TEX50: variants seen among roughly 807,000 people sequenced by gnomAD.
The protein encoded by TEX50 is testis expressed 50, also known as testis-expressed protein 50.
Under a neutral mutation model 9.8 loss-of-function variants are expected in TEX50, and 3 were observed. That is an observed-to-expected ratio of 0.31 (90% CI 0.14 to 0.79). The LOEUF is 0.79. Among genes scored for constraint, TEX50 ranks in the 30% least tolerant of loss-of-function variants. TEX50 has a pLI of 0.63. For missense variants in TEX50, 164 were observed against 199.3 expected (o/e 0.82, Z 1.07); for synonymous variants, 61 against 72.1 (o/e 0.85, Z 0.78).
chr1:173,636,940 G>T lies in TEX50; in HGVS notation c.438G>T (p.Lys146Asn). Residue 146 changes from lysine to asparagine, a missense_variant, in exon 2 of 2, where the codon AAG (lysine) becomes AAT (asparagine). By Grantham distance (94) the Lys-to-Asn change is moderately conservative. Around this residue, in one of 3 missense-constraint regions of TEX50, gnomAD observed 135 missense variants for 154.2 expected, o/e 0.88. Coordinates refer to ENST00000417563, the MANE Select transcript of TEX50 (RefSeq NM_001195190.3). The part of the protein sequence containing the change: ...RVATTASVIY[K>N]IWEHRSHHPS... Reference sequence around the variant, plus strand: ...CAACCACAGCATCAGTGATATACAAGATCTGGGAGCACAGGTCTCACCATC... The same window carrying T: ...CAACCACAGCATCAGTGATATACAATATCTGGGAGCACAGGTCTCACCATC... 6.5e-7 allele frequency: 1 copy of T among 1,535,690 alleles called. No individual in the cohort carries two copies. The highest frequency in any genetic ancestry group is 8.7e-7 in the Non-Finnish European group (1 of 1,146,694).
Position 173,636,986 on chromosome 1 carries a change from C to T in TEX50, c.484C>T (p.His162Tyr), listed in dbSNP as rs910037824. The T allele has an allele frequency of 1.9e-5, 29 of 1,535,264 alleles. No individual in the cohort carries two copies. The African/African-American group carries it at 4.0e-4, about 21-fold the overall frequency. The change falls in exon 2 of 2, where the codon CAC becomes TAC. Residue 162 changes from histidine (H) to tyrosine (Y), a missense_variant. Physicochemically the swap from His to Tyr is moderately conservative, Grantham distance 83 (BLOSUM62 2). Around this residue, in one of 3 missense-constraint regions of TEX50, gnomAD observed 135 missense variants for 154.2 expected, o/e 0.88. Coordinates refer to ENST00000417563, the MANE Select transcript of TEX50 (RefSeq NM_001195190.3). ...SHHPSSKKIK[H>Y]CKLKKKSKEE... ...CCATCCTTCCTCTAAGAAAATTAAG[C>T]ACTGCAAATTAAAGAAGAAGAGTAA...
Position 173,636,875 on chromosome 1 carries a change from C to T in TEX50, c.373C>T (p.Pro125Ser), listed in dbSNP as rs1385789732. 6.5e-7 allele frequency: 1 copy of T among 1,535,752 alleles called. No homozygotes were observed. The highest frequency in any genetic ancestry group is 2.0e-5 in the Admixed American group (1 of 50,978). The part of the protein sequence containing the change: ...LEKPGNDLES[P>S]LINNIDQTLH... The stretch of plus-strand genomic sequence containing the variant: ...AAAACCTGGTAATGATCTAGAAAGC[C>T]CATTGATCAACAACATTGACCAAAC... Residue 125 changes from proline (P) to serine (S), a missense_variant, in exon 2 of 2, where the codon CCA becomes TCA. By Grantham distance (74) the Pro-to-Ser change is moderately conservative (BLOSUM62 -1). Coordinates refer to ENST00000417563, the MANE Select transcript of TEX50 (RefSeq NM_001195190.3).
Position 173,635,614 on chromosome 1 carries a change from A to C in TEX50, c.93A>C (p.Thr31=), listed in dbSNP as rs1668395992. The change falls in exon 1 of 2, where the codon ACA becomes ACC. Residue 31 remains threonine, a synonymous_variant. Transcript: ENST00000417563. The part of the protein sequence containing the change: ...SFCICDGTVW[T]KVGWEILPEE... ...GCATTTGTGATGGAACTGTCTGGAC[A>C]AAGGTTGGATGGGAGATTCTTCCAG... The C allele has an allele frequency of 6.5e-7, 1 of 1,535,648 alleles. No individual in the cohort carries two copies. The highest frequency in any genetic ancestry group is 1.4e-5 in the African/African-American group (1 of 73,126).
Position 173,637,031 on chromosome 1 carries a change from T to C in TEX50, c.529T>C (p.Tyr177His). 6 of 1,514,996 alleles carry C rather than the reference T, an allele frequency of 4.0e-6. No individual in the cohort carries two copies. The highest frequency in any genetic ancestry group is 5.3e-6 in the Non-Finnish European group (6 of 1,128,556). 93.8% of individuals were successfully genotyped at this position (1,514,996 alleles called of 1,614,324 possible). Residue 177 changes from tyrosine (Y) to histidine (H), a missense_variant, in exon 2 of 2, where the codon TAC becomes CAC. Coordinates refer to ENST00000417563, the MANE Select transcript of TEX50 (RefSeq NM_001195190.3). ...KKSKEEGARR[Y>H] ...GAGTAAAGAAGAAGGAGCCAGAAGA[T>C]ACTAAATAAATGCATATGCAAATGT...
chr1:173,635,578 G>A lies in TEX50; in HGVS notation c.57G>A (p.Gly19=). The change falls in exon 1 of 2, where the codon GGG becomes GGA. Residue 19 remains glycine (G), a synonymous_variant. Coordinates refer to ENST00000417563, the MANE Select transcript of TEX50 (RefSeq NM_001195190.3). ...IFSLLFICFF[G]ESFCICDGTV... ...CTCTGTTGTTTATCTGCTTCTTCGG[G>A]GAGAGTTTCTGCATTTGTGATGGAA... 6.5e-7 allele frequency: 1 copy of A among 1,535,034 alleles called. No homozygotes were observed. The highest frequency in any genetic ancestry group is 8.7e-7 in the Non-Finnish European group (1 of 1,146,366).
In TEX50 at chr1:173,635,862, A is replaced by C; in HGVS notation, c.324+17A>C. The C allele has an allele frequency of 6.8e-7, 1 of 1,473,848 alleles. No homozygotes were observed. The allele number at this position is 1,473,848 out of a possible 1,614,324, so 91.3% of individuals were successfully genotyped here. A position where few individuals can be genotyped will look rare whatever the true frequency, so the allele number is the denominator to read the frequency against. ...CAAAAAAAGGTGAATTCGTGATACA[A>C]GTAGTAATAGTTACAAAATCTCTAA... On this transcript the variant is annotated intron_variant, in intron 1 of 1. Transcript: ENST00000417563.
chr1:173,637,067 A>G lies in TEX50; in HGVS notation c.*31A>G. 7.4e-7 allele frequency: 1 copy of G among 1,342,888 alleles called. No homozygotes were observed. Among genetic ancestry groups the G allele is most frequent in the Non-Finnish European group, 1.0e-6 (1 of 977,446 alleles). 83.2% of individuals were successfully genotyped at this position (1,342,888 alleles called of 1,614,324 possible). A position where few individuals can be genotyped will look rare whatever the true frequency, so the allele number is the denominator to read the frequency against. On this transcript the variant is annotated 3_prime_UTR_variant, in exon 2 of 2. Coordinates refer to ENST00000417563, the MANE Select transcript of TEX50 (RefSeq NM_001195190.3). ...TGCATATGCAAATGTAGCTTAGTCA[A>G]TTATAGATATCACAAAAGAAATCTA...
Position 173,636,901 on chromosome 1 carries a change from A to T in TEX50, c.399A>T (p.Thr133=), listed in dbSNP as rs1347137126. 1 of 1,535,910 alleles carries T rather than the reference A, an allele frequency of 6.5e-7. No individual in the cohort carries two copies. Among genetic ancestry groups the T allele is most frequent in the Non-Finnish European group, 8.7e-7 (1 of 1,146,798 alleles). The change falls in exon 2 of 2, where the codon ACA becomes ACT. Residue 133 remains threonine, a synonymous_variant. Coordinates refer to ENST00000417563, the MANE Select transcript of TEX50 (RefSeq NM_001195190.3). ...ESPLINNIDQ[T]LHRVATTASV... is the part of the protein sequence containing the mutation. Reference sequence around the variant, plus strand: ...CATTGATCAACAACATTGACCAAACACTCCACAGAGTGGCAACCACAGCAT... The same window carrying T: ...CATTGATCAACAACATTGACCAAACTCTCCACAGAGTGGCAACCACAGCAT...
In TEX50 at chr1:173,636,815, T is replaced by C; in HGVS notation, c.325-12T>C. On this transcript the variant is annotated splice_polypyrimidine_tract_variant and intron_variant, in intron 1 of 1. Transcript: ENST00000417563. ...TATGTAGATAAAATCTGTATTGTTT[T>C]TCTCCTTTTAGCTGAAAAAGCAAGC... The C allele has an allele frequency of 5.2e-6, 8 of 1,526,082 alleles. No individual in the cohort carries two copies. The highest frequency in any genetic ancestry group is 7.0e-6 in the Non-Finnish European group (8 of 1,138,330). 94.5% of individuals were successfully genotyped at this position (1,526,082 alleles called of 1,614,324 possible).
At position 173,635,549 on chromosome 1, in the gene TEX50, T is replaced by G; in HGVS notation, c.28T>G (p.Phe10Val). The change falls in exon 1 of 2, where the codon TTT becomes GTT. Residue 10 changes from phenylalanine to valine, a missense_variant. Physicochemically the swap from Phe to Val is conservative, Grantham distance 50. Transcript: ENST00000417563. ...GTCTAATCAAAGACTACCGCTGATT[T>G]TTTCTCTGTTGTTTATCTGCTTCTT... MSNQRLPLI[F>V]SLLFICFFGE... 1.2e-5 allele frequency: 18 copies of G among 1,532,120 alleles called. No individual in the cohort carries two copies. The highest frequency in any genetic ancestry group is 1.6e-5 in the Non-Finnish European group (18 of 1,144,522). 94.9% of individuals were successfully genotyped at this position (1,532,120 alleles called of 1,614,324 possible). A position where few individuals can be genotyped will look rare whatever the true frequency, so the allele number is the denominator to read the frequency against.
At position 173,635,932 on chromosome 1, in the gene TEX50, G is replaced by A. The variant is rs541338628; in HGVS notation, c.324+87G>A. 20 of 1,015,974 alleles carry A rather than the reference G, an allele frequency of 2.0e-5. No individual in the cohort carries two copies. In the African/African-American group the frequency reaches 2.3e-4, roughly 12 times the overall value. The allele number at this position is 1,015,974 out of a possible 1,614,324, so 62.9% of individuals were successfully genotyped here. ...ACTAGTTTCTTTGAGAGAGGGTACC[G>A]TGTTTTATTCCTCATTGTAACCTTC... is the stretch of plus-strand genomic sequence containing the variant. On this transcript the variant is annotated intron_variant, in intron 1 of 1. Transcript: ENST00000417563.
chr1:173,636,991 C>G lies in TEX50; in HGVS notation c.489C>G (p.Cys163Trp), dbSNP rs1370218142. 2.6e-6 allele frequency: 4 copies of G among 1,534,918 alleles called. No homozygotes were observed. The highest frequency in any genetic ancestry group is 2.0e-5 in the Admixed American group (1 of 50,936). ...HHPSSKKIKH[C>W]KLKKKSKEEG... ...CTTCCTCTAAGAAAATTAAGCACTGCAAATTAAAGAAGAAGAGTAAAGAAG... is the reference window on the plus strand; with the variant it reads ...CTTCCTCTAAGAAAATTAAGCACTGGAAATTAAAGAAGAAGAGTAAAGAAG... Residue 163 changes from cysteine to tryptophan, a missense_variant, in exon 2 of 2, where the codon TGC becomes TGG. Transcript: ENST00000417563.
intron 1 of TEX50, 97 bp downstream of exon 1, chr1:173,635,942 C>A: frequency 1.1e-6 from 1 of 937,152 alleles, no homozygotes; most frequent in Non-Finnish European, 1.6e-6. Flanking sequence ...GTGTTTTATT[C>A]CTCATTGTAA....
intron 1 of TEX50, 107 bp from the exon 2 acceptor site, chr1:173,636,720 A>T: frequency 3.8e-6 from 3 of 798,360 alleles, no homozygotes; most frequent in Non-Finnish European, 5.8e-6. Context: ...AGGTTTGTTT[A>T]CATATTTAGA....
chr1:173,635,567 T>A lies in TEX50; in HGVS notation c.46T>A (p.Cys16Ser). The A allele has an allele frequency of 6.5e-7, 1 of 1,535,220 alleles. No homozygotes were observed. The highest frequency in any genetic ancestry group is 8.7e-7 in the Non-Finnish European group (1 of 1,146,332). The change falls in exon 1 of 2, where the codon TGC (cysteine) becomes AGC (serine). Residue 16 changes from cysteine to serine, a missense_variant. This residue lies in a region of TEX50 where 24 missense variants were observed against 22.0 expected (regional missense o/e 1.09). Transcript: ENST00000417563. ...GCTGATTTTTTCTCTGTTGTTTATC[T>A]GCTTCTTCGGGGAGAGTTTCTGCAT... is the stretch of plus-strand genomic sequence containing the variant. ...LPLIFSLLFI[C>S]FFGESFCICD...
chr1:173,637,023 C>T lies in TEX50; in HGVS notation c.521C>T (p.Ala174Val). ...AAGAAGAAGAGTAAAGAAGAAGGAG[C>T]CAGAAGATACTAAATAAATGCATAT... Reference protein sequence around the residue: ...KLKKKSKEEGARRY With the variant: ...KLKKKSKEEGVRRY Residue 174 changes from alanine to valine, a missense_variant, in exon 2 of 2, where the codon GCC becomes GTC. By Grantham distance (64) the Ala-to-Val change is moderately conservative. Around this residue, in one of 3 missense-constraint regions of TEX50, gnomAD observed 135 missense variants for 154.2 expected, o/e 0.88. Transcript: ENST00000417563. The T allele has an allele frequency of 6.6e-7, 1 of 1,523,922 alleles. No individual in the cohort carries two copies. Among genetic ancestry groups the T allele is most frequent in the Non-Finnish European group, 8.8e-7 (1 of 1,136,410 alleles). 94.4% of individuals were successfully genotyped at this position (1,523,922 alleles called of 1,614,324 possible). A position where few individuals can be genotyped will look rare whatever the true frequency, so the allele number is the denominator to read the frequency against.
intron 1 of TEX50, among the ~76,000 whole-genome samples, chr1:173,636,525 A>G (rs1401790352): frequency 1.3e-5 from 2 of 152,144 alleles, no homozygotes; most frequent in Non-Finnish European, 2.9e-5. Flanking sequence ...TTCATAAACG[A>G]ATACATTTTG....
intron 1 of TEX50, among the ~76,000 whole-genome samples, chr1:173,636,387 C>G (rs999399149): frequency 1.3e-5 from 2 of 152,148 alleles, no homozygotes; most frequent in South Asian, 2.1e-4. Context: ...GTTTGAGAGG[C>G]AACCTTAAAA....
rs1248792731 is a variant in TEX50, at chr1:173,636,921, C to T, written c.419C>T (p.Thr140Ile). Reference sequence around the variant, plus strand: ...CAAACACTCCACAGAGTGGCAACCACAGCATCAGTGATATACAAGATCTGG... The same window carrying T: ...CAAACACTCCACAGAGTGGCAACCATAGCATCAGTGATATACAAGATCTGG... ...IDQTLHRVAT[T>I]ASVIYKIWEH... is the part of the protein sequence containing the mutation. Residue 140 changes from threonine to isoleucine, a missense_variant, in exon 2 of 2, where the codon ACA (threonine) becomes ATA (isoleucine). Around this residue, in one of 3 missense-constraint regions of TEX50, gnomAD observed 135 missense variants for 154.2 expected, o/e 0.88. Transcript: ENST00000417563. 6.5e-6 allele frequency: 10 copies of T among 1,535,824 alleles called. No homozygotes were observed. Among genetic ancestry groups the T allele is most frequent in the Non-Finnish European group, 8.7e-6 (10 of 1,146,708 alleles).
Sources: gnomAD v4.1 joint callset for allele counts (sites outside exome capture counted in the v4.1 genomes callset) on GRCh38, gnomAD v4.1.1 for gene constraint, gnomAD v4.1.1 regional missense constraint, MANE v1.5 for transcripts, NCBI Gene and HGNC (gene_info 2026-07-23, HGNC 2026-07-21) for gene names.